ZNF341: variants seen among roughly 807,000 people sequenced by gnomAD.
ZNF341 encodes the protein zinc finger protein 341.
ZNF341 carries 52 observed loss-of-function variants against 87.7 expected under a neutral mutation model. The ratio of observed to expected loss-of-function variants is 0.59; its 90% CI spans 0.47 to 0.75. The LOEUF is 0.75. ZNF341 is among the 30% of genes least tolerant of loss of function. ZNF341 has a pLI of 0.00. For missense variants in ZNF341, 977 were observed against 1,145.9 expected (o/e 0.85, Z 2.13); for synonymous variants, 459 against 472.7 (o/e 0.97, Z 0.38).
chr20:33,779,878 T>C (rs543132709), intron 10 of ZNF341, among the ~76,000 whole-genome samples: 1 of 152,290 alleles, frequency 6.6e-6, no homozygotes, highest in Admixed American at 6.5e-5. Context: ...TGTCTGACTC[T>C]TTAATGTAAC....
intron 1 of ZNF341, among the ~76,000 whole-genome samples, chr20:33,737,519 T>C (rs1055873436): frequency 1.3e-5 from 2 of 152,000 alleles, no homozygotes; most frequent in Admixed American, 1.3e-4. Context: ...GATGGGGTTT[T>C]ACCGTATTAG....
intron 5 of ZNF341, among the ~76,000 whole-genome samples, chr20:33,754,284 A>G (rs79166554): frequency 1.0e-3 from 159 of 152,296 alleles, no homozygotes; most frequent in African/African-American, 3.6e-3. Context: ...TTCCCTGCCA[A>G]TGAGCTCTAA....
intron 9 of ZNF341, among the ~76,000 whole-genome samples, chr20:33,767,713 G>A (rs1377472177): frequency 6.6e-6 from 1 of 150,968 alleles, no homozygotes; most frequent in Non-Finnish European, 1.5e-5. Context: ...CCCAGTACAT[G>A]TGCTCTATCA....
intron 10 of ZNF341, among the ~76,000 whole-genome samples, chr20:33,774,272 G>A (rs1402327014): frequency 6.6e-6 from 1 of 151,968 alleles, no homozygotes; most frequent in Non-Finnish European, 1.5e-5. Context: ...ATCCAGCCTG[G>A]GTGACAGAGA....
At chr20:33,738,606 A>G (rs2018741690) in intron 1 of ZNF341, among the ~76,000 whole-genome samples, 1 of 152,160 alleles carries the variant, frequency 6.6e-6, no homozygotes, top group Non-Finnish European at 1.5e-5. Context: ...TCACTTTGCA[A>G]CTTTTTCAAA....
At chr20:33,769,386 G>C (rs1175314300) in intron 9 of ZNF341, among the ~76,000 whole-genome samples, 1 of 104,230 alleles carries the variant, frequency 9.6e-6, no homozygotes, top group African/African-American at 3.5e-5. Context: ...GGGGGGGGGG[G>C]CAGTGGGAGG....
rs140714882 is a variant in ZNF341, at chr20:33,765,183, T to C, written c.1223-1668T>C. 4.1e-3 allele frequency among the ~76,000 whole-genome samples: 617 copies of C among 152,178 alleles called. 4 individuals carry two copies. The highest frequency in any genetic ancestry group is 6.5e-3 in the Non-Finnish European group (439 of 68,008). On this transcript the variant is annotated intron_variant, in intron 8 of 14. Coordinates refer to ENST00000375200, the MANE Select transcript of ZNF341 (RefSeq NM_001282933.2). ...GGCTCAGGACCACTTTATTGGATAG[T>C]GTAAGGCCAGAGTCTAAGCCATTCC...
rs200607156 is a variant in ZNF341 at position 33,791,047 on chromosome 20, G to A, written c.2095G>A (p.Ala699Thr). The A allele has an allele frequency of 2.3e-5, 37 of 1,613,504 alleles. No individual in the cohort carries two copies. The highest frequency in any genetic ancestry group is 1.3e-4 in the Admixed American group (8 of 60,012). ...SKSFSRRAHL[A>T]EHQRAHTGNY... ...GTCCTTCAGCCGCCGTGCCCACCTC[G>A]CCGAGCATCAGCGCGCCCACACGGG... is the stretch of plus-strand genomic sequence containing the variant. Residue 699 changes from alanine to threonine, a missense_variant, in exon 15 of 15, where the codon GCC (alanine) becomes ACC (threonine). Physicochemically the swap from Ala to Thr is moderately conservative, Grantham distance 58 (BLOSUM62 0). This residue lies in a region of ZNF341 where 241 missense variants were observed against 335.0 expected (regional missense o/e 0.72). Coordinates refer to ENST00000375200, the MANE Select transcript of ZNF341 (RefSeq NM_001282933.2).
rs1021534029 is a variant in ZNF341 at position 33,769,380 on chromosome 20, G to A, written c.1414-704G>A. Among the ~76,000 whole-genome samples, 7 of 150,222 alleles carry A rather than the reference G, an allele frequency of 4.7e-5. 1 individual carries two copies. The East Asian group carries it at 5.9e-4, about 13-fold the overall frequency. The stretch of plus-strand genomic sequence containing the variant: ...AGGGGGTGAAGGGGTGGTGGTGGGG[G>A]GGGGGGCAGTGGGAGGGGTGGCGGG... On this transcript the variant is annotated intron_variant, in intron 9 of 14. Transcript: ENST00000375200.
intron 7 of ZNF341, 82 bp downstream of exon 7, chr20:33,758,888 GC>G: frequency 7.9e-7 from 1 of 1,261,202 alleles, no homozygotes. Context: ...TCCCTTCTCA[GC>G]CCCTAGCCTG....
chr20:33,752,112 C>T (rs1675799424), intron 4 of ZNF341: 2 of 385,620 alleles, frequency 5.2e-6, no homozygotes, highest in African/African-American at 4.3e-5. Context: ...AAGCAAGCCC[C>T]CCCCCCTTTT....
intron 6 of ZNF341, 38 bp downstream of exon 6, chr20:33,757,381 A>G (rs1350203116): frequency 7.0e-7 from 1 of 1,422,826 alleles, no homozygotes; most frequent in Non-Finnish European, 9.3e-7. Context: ...TTTCCTCAAC[A>G]TTGGCCAATC....
At chr20:33,749,328 T>C (rs1482523643) in intron 4 of ZNF341, among the ~76,000 whole-genome samples, 2 of 152,174 alleles carry the variant, frequency 1.3e-5, no homozygotes, top group Non-Finnish European at 2.9e-5. Flanking sequence ...AGTCTCACTC[T>C]GTTGCCCAGG....
At chr20:33,777,647 AAAG>A (rs1269451840) in intron 10 of ZNF341, among the ~76,000 whole-genome samples, 6 of 152,038 alleles carry the variant, frequency 3.9e-5, no homozygotes, top group Admixed American at 2.0e-4. Context: ...AAAAAAAAAA[AAAG>A]AAGAAAAAGA....
At chr20:33,773,269 C>G (rs1399099077) in intron 10 of ZNF341, among the ~76,000 whole-genome samples, 2 of 152,170 alleles carry the variant, frequency 1.3e-5, no homozygotes, top group Non-Finnish European at 2.9e-5. Context: ...ATCTTGGAAG[C>G]CTCATAGCCC....
chr20:33,774,207 G>A (rs1198837262), intron 10 of ZNF341, among the ~76,000 whole-genome samples: 2 of 151,492 alleles, frequency 1.3e-5, no homozygotes, highest in East Asian at 3.9e-4. Flanking sequence ...CAGGAGAATC[G>A]CTCAAACTCG....
chr20:33,762,241 C>CT (rs2019310250), intron 8 of ZNF341, among the ~76,000 whole-genome samples, 186 bp downstream of exon 8: 1 of 152,082 alleles, frequency 6.6e-6, no homozygotes. Context: ...TGGCATTACT[C>CT]TAATACTGTA....
chr20:33,749,099 G>A, intron 4 of ZNF341, 27 bp downstream of exon 4: 1 of 1,604,560 alleles, frequency 6.2e-7, no homozygotes, highest in Non-Finnish European at 8.5e-7. Flanking sequence ...TTCTCACAGG[G>A]TCTTGATTCC....
At chr20:33,763,522 C>T (rs557787803) in intron 8 of ZNF341, among the ~76,000 whole-genome samples, 12 of 152,278 alleles carry the variant, frequency 7.9e-5, no homozygotes, top group African/African-American at 2.4e-4. Flanking sequence ...TGGTCTCAAA[C>T]TCCTGACCTC....
Sources: allele counts gnomAD v4.1 joint callset (sites outside exome capture counted in the v4.1 genomes callset), GRCh38; gene constraint gnomAD v4.1.1; regional missense constraint gnomAD v4.1.1; transcripts MANE v1.5; gene names NCBI Gene and HGNC (gene_info 2026-07-23, HGNC 2026-07-21).